Variants in FRY observed in about 807,000 individuals in gnomAD.
The protein encoded by FRY is protein furry homolog.
A neutral mutation model predicts 348.4 loss-of-function variants in FRY; 128 were observed. The observed-to-expected ratio is 0.37, with a 90% CI of 0.32 to 0.43. The LOEUF is 0.43. Among genes scored for constraint, FRY ranks in the 20% least tolerant of loss-of-function variants. The pLI, the probability that FRY is intolerant of heterozygous loss-of-function variation, is 1.00. For synonymous variants in FRY, 1,370 were observed against 1,374.7 expected (o/e 1.00, Z 0.08); for missense variants, 2,736 against 3,695.2 (o/e 0.74, Z 6.73).
At chr13:32,206,655 A>C (rs1884367673) in intron 31 of FRY, among the ~76,000 whole-genome samples, 1 of 152,226 alleles carries the variant, frequency 6.6e-6, no homozygotes, top group Non-Finnish European at 1.5e-5. Flanking sequence ...ACAGTCCAGC[A>C]AGTTTAACCA....
At chr13:32,146,078 C>T (rs954402678) in intron 11 of FRY, among the ~76,000 whole-genome samples, 1 of 152,136 alleles carries the variant, frequency 6.6e-6, no homozygotes, top group African/African-American at 2.4e-5. Context: ...CCTTCACCAG[C>T]ATACAAAGGA....
rs187526864 is a variant in FRY, at chr13:32,208,887, C to T, written c.4053C>T (p.Asn1351=). ...VSQRFPTTHP[N]GRQIMLTYLL... ...AGCGATTCCCCACAACACACCCCAA[C>T]GGGCGCCAGATCATGCTTACCTACC... Residue 1351 remains asparagine, a synonymous_variant, in exon 32 of 61, where the codon AAC becomes AAT. Transcript: ENST00000542859. The T allele has an allele frequency of 9.5e-5, 153 of 1,614,166 alleles. No individual in the cohort carries two copies. Among genetic ancestry groups the T allele is most frequent in the Admixed American group, 3.2e-4 (19 of 60,024 alleles).
In FRY at chr13:32,173,559, A is replaced by C. The variant is rs1882212049; in HGVS notation, c.2334+10A>C. 1.2e-6 allele frequency: 2 copies of C among 1,604,072 alleles called. No homozygotes were observed. Among genetic ancestry groups the C allele is most frequent in the Non-Finnish European group, 1.7e-6 (2 of 1,171,650 alleles). The stretch of plus-strand genomic sequence containing the variant: ...CCTGGGGCAGCCTGAGGTATGGATT[A>C]GTCTTCTGAATTTTTCCATTTCTTA... On this transcript the variant is annotated intron_variant, in intron 19 of 60. Transcript: ENST00000542859.
intron 26 of FRY, among the ~76,000 whole-genome samples, chr13:32,185,740 A>C (rs1882990096): frequency 6.6e-6 from 1 of 152,226 alleles, no homozygotes; most frequent in African/African-American, 2.4e-5. Context: ...TATTACAAAA[A>C]GCCCCTTATC....
In FRY at chr13:32,299,075, A is replaced by G. The variant is rs2072108626; in HGVS notation, c.*3615A>G. ...ATGAATTGTGTACTTTAAAATGGTA[A>G]ATTTTATGTTATATATGTTTTACCA... On this transcript the variant is annotated 3_prime_UTR_variant, in exon 61 of 61. Coordinates refer to ENST00000542859, the MANE Select transcript of FRY (RefSeq NM_023037.3). 1 of 152,216 alleles carries G rather than the reference A, an allele frequency of 6.6e-6. No homozygotes were observed. Among genetic ancestry groups the G allele is most frequent in the African/African-American group, 2.4e-5 (1 of 41,452 alleles). 9.4% of individuals were successfully genotyped at this position (152,216 alleles called of 1,614,324 possible).
chr13:32,097,362 C>CTTTTTTT (rs34054013), intron 2 of FRY, among the ~76,000 whole-genome samples: 6 of 126,494 alleles, frequency 4.7e-5, no homozygotes, highest in Non-Finnish European at 9.7e-5. Flanking sequence ...CCTTTTTTTC[C>CTTTTTTT]TTTTTTTTTT....
At position 32,046,162 on chromosome 13, in the gene FRY, T is replaced by C. The variant is rs190214923; in HGVS notation, c.70+14297T>C. Among the ~76,000 whole-genome samples the C allele has an allele frequency of 3.6e-3, 544 of 152,232 alleles. 2 individuals carry two copies. Among genetic ancestry groups the C allele is most frequent in the South Asian group, 0.015 (74 of 4,816 alleles). On this transcript the variant is annotated intron_variant, in intron 1 of 60. Transcript: ENST00000542859. ...ACTTCTTGGGCCAGGAGAATGAAAA[T>C]GCTCTTCAGGCTCTGGGAAAAGGAT...
Position 32,209,575 on chromosome 13 carries a change from T to C in FRY, c.4276-10T>C, listed in dbSNP as rs1325912729. On this transcript the variant is annotated splice_polypyrimidine_tract_variant and intron_variant, in intron 32 of 60. Transcript: ENST00000542859. Reference sequence around the variant, plus strand: ...ACACATCTCTTGGGCCGGTTTTTATTTTGTTATAGTATGGAGATGAAGTTC... The same window carrying C: ...ACACATCTCTTGGGCCGGTTTTTATCTTGTTATAGTATGGAGATGAAGTTC... The C allele has an allele frequency of 6.2e-7, 1 of 1,613,852 alleles. No homozygotes were observed. Among genetic ancestry groups the C allele is most frequent in the African/African-American group, 1.3e-5 (1 of 74,902 alleles).
chr13:32,125,651 G>C (rs571695868), intron 7 of FRY, among the ~76,000 whole-genome samples: 4 of 152,076 alleles, frequency 2.6e-5, no homozygotes, highest in African/African-American at 9.7e-5. Flanking sequence ...ATTTCGTAAC[G>C]TAGTAGCATG....
intron 29 of FRY, among the ~76,000 whole-genome samples, chr13:32,197,511 A>G (rs1340754138): frequency 2.6e-5 from 4 of 152,170 alleles, no homozygotes; most frequent in Non-Finnish European, 5.9e-5. Flanking sequence ...CTTGGGTTCA[A>G]ATCCTCACTC....
intron 8 of FRY, among the ~76,000 whole-genome samples, chr13:32,133,414 G>A (rs1879492767): frequency 6.6e-6 from 1 of 152,068 alleles, no homozygotes; most frequent in South Asian, 2.1e-4. Flanking sequence ...CTCAGTAACT[G>A]TTAAATATTT....
chr13:32,054,388 T>C (rs1213732367), intron 1 of FRY, among the ~76,000 whole-genome samples: 1 of 151,818 alleles, frequency 6.6e-6, no homozygotes, highest in East Asian at 1.9e-4. Context: ...CTTTTGATTT[T>C]CTGCATTCAA....
rs767724302 is a variant in FRY at position 32,238,025 on chromosome 13, G to A, written c.6418+39G>A. On this transcript the variant is annotated intron_variant, in intron 44 of 60. Transcript: ENST00000542859. ...CGTTCACCCTGTCTCAATTCTGATG[G>A]TGACTGTGTTCATCATTTGGTACAA... 1.9e-6 allele frequency: 3 copies of A among 1,603,554 alleles called. No homozygotes were observed. The South Asian group carries it at 3.3e-5, about 18-fold the overall frequency.
chr13:32,269,618 G>T (rs1888108079), intron 55 of FRY, among the ~76,000 whole-genome samples: 2 of 152,054 alleles, frequency 1.3e-5, no homozygotes, highest in African/African-American at 2.4e-5. Flanking sequence ...CTTGAACCTG[G>T]GAGGCAGAGG....
In FRY at chr13:32,149,831, A is replaced by C. The variant is rs1331094259; in HGVS notation, c.1476A>C (p.Pro492=). ...GKPAKAFSLN[P]ERMNIGLRAF... is the part of the protein sequence containing the mutation. Reference sequence around the variant, plus strand: ...CAGCAAAAGCATTCAGTCTCAACCCAGAGGTATGAATGATCCTTTTATGTA... The same window carrying C: ...CAGCAAAAGCATTCAGTCTCAACCCCGAGGTATGAATGATCCTTTTATGTA... The change falls in exon 14 of 61, where the codon CCA becomes CCC. Residue 492 remains proline (P), a synonymous_variant. Transcript: ENST00000542859. 1.3e-6 allele frequency: 2 copies of C among 1,583,120 alleles called. No homozygotes were observed. Among genetic ancestry groups the C allele is most frequent in the East Asian group, 2.2e-5 (1 of 44,746 alleles).
chr13:32,085,495 C>G (rs1593595252), intron 2 of FRY, among the ~76,000 whole-genome samples: 1 of 152,218 alleles, frequency 6.6e-6, no homozygotes, highest in African/African-American at 2.4e-5. Flanking sequence ...GCTTCCACCT[C>G]TTTAGTGTTG....
rs755004131 is a variant in FRY at position 32,135,043 on chromosome 13, A to T, written c.979-42A>T. On this transcript the variant is annotated intron_variant, in intron 9 of 60. Transcript: ENST00000542859. ...TCCTTCAAATTGTATCACAAAATCA[A>T]CAATTTTATTAATATAATATTCACA... is the stretch of plus-strand genomic sequence containing the variant. The T allele has an allele frequency of 8.4e-6, 13 of 1,549,226 alleles. No homozygotes were observed. In the East Asian group the frequency reaches 2.9e-4, roughly 35 times the overall value.
intron 17 of FRY, among the ~76,000 whole-genome samples, chr13:32,169,463 A>G (rs190775915): frequency 1.3e-5 from 2 of 152,326 alleles, no homozygotes; most frequent in East Asian, 3.9e-4. Context: ...TACAGTTAGT[A>G]TCCCCATTTT....
chr13:32,241,573 A>G (rs1285784962), intron 46 of FRY, among the ~76,000 whole-genome samples: 3 of 152,200 alleles, frequency 2.0e-5, no homozygotes, highest in Non-Finnish European at 2.9e-5. Flanking sequence ...CTGGAGGTAG[A>G]TAGTGGTGAT....
Sources: gnomAD v4.1 joint callset for allele counts (sites outside exome capture counted in the v4.1 genomes callset) on GRCh38, gnomAD v4.1.1 for gene constraint, MANE v1.5 for transcripts, NCBI Gene and HGNC (gene_info 2026-07-23, HGNC 2026-07-21) for gene names.